The following METTL8 variants were observed in gnomAD, a reference collection of about 807,000 sequenced individuals.
The protein encoded by METTL8 is tRNA N(3)-cytidine methyltransferase METTL8, mitochondrial.
METTL8 carries 32 observed loss-of-function variants against 48.7 expected under a neutral mutation model. The ratio of observed to expected loss-of-function variants is 0.66; its 90% confidence interval spans 0.50 to 0.88. METTL8 has a LOEUF of 0.88. Among genes scored for constraint, METTL8 ranks in the 40% least tolerant of loss-of-function variants. METTL8 has a pLI of 0.00. For missense variants in METTL8, 464 were observed against 474.4 expected (o/e 0.98, Z 0.20); for synonymous variants, 136 against 157.1 (o/e 0.87, Z 1.01).
chr2:171,336,926 A>G (rs1686184054), intron 5 of METTL8, among the ~76,000 whole-genome samples: 1 of 141,224 alleles, frequency 7.1e-6, no homozygotes, highest in Non-Finnish European at 1.5e-5. Flanking sequence ...CTGGAGTGCA[A>G]TGGCGCAGTC....
rs75114279 is a variant in METTL8 at position 171,316,859 on chromosome 2, G to T, written c.*7313C>A. ...CATTCTCTTTCAGGCAATTTTCAGT[G>T]CGAGTGCCAAATGCTGCTTAGGGGG... On this transcript the variant is annotated 3_prime_UTR_variant, in exon 10 of 10. Transcript: ENST00000375258. 1.8e-3 allele frequency among the ~76,000 whole-genome samples: 280 copies of T among 152,260 alleles called. 6 individuals are homozygous for T. The East Asian group carries it at 0.028, about 15-fold the overall frequency.
At chr2:171,365,580 G>T (rs1343531939) in intron 2 of METTL8, among the ~76,000 whole-genome samples, 1 of 152,010 alleles carries the variant, frequency 6.6e-6, no homozygotes, top group Non-Finnish European at 1.5e-5. Flanking sequence ...CTGGAATCTG[G>T]GTACCCGCCA....
Position 171,392,096 on chromosome 2 carries a change from AG to A in METTL8, c.89del (p.Pro30LeufsTer7), listed in dbSNP as rs779502630. ...RYQSGYHPVA[P>X]LGSRILTDPA... ...GGTCAGTTAAAATCCTTGATCCCAG[AG>A]GGGCCACTGGGTGGTAACCACTTTG... On this transcript the variant is annotated frameshift_variant, in exon 2 of 10. Coordinates refer to ENST00000375258, the MANE Select transcript of METTL8 (RefSeq NM_001321154.2). LOFTEE classifies it high-confidence loss of function. 1 of 1,551,604 alleles carries A rather than the reference AG, an allele frequency of 6.4e-7. No individual in the cohort carries two copies. Among genetic ancestry groups the A allele is most frequent in the South Asian group, 1.2e-5 (1 of 84,054 alleles).
rs1044894194 is a variant in METTL8 at position 171,426,605 on chromosome 2, C to T, written c.-13+7278G>A. ...TGTTTAAAATAAGAGGGTGAGTCTG[C>T]GAGCTTTACTATCAATCCTTTAAAC... is the stretch of plus-strand genomic sequence containing the variant. On this transcript the variant is annotated intron_variant, in intron 1 of 9. Transcript: ENST00000375258. 4.6e-5 allele frequency among the ~76,000 whole-genome samples: 7 copies of T among 152,212 alleles called. No individual in the cohort carries two copies. In the East Asian group the frequency reaches 1.2e-3, roughly 25 times the overall value.
chr2:171,369,491 C>T (rs1216509599), intron 2 of METTL8, among the ~76,000 whole-genome samples: 1 of 152,186 alleles, frequency 6.6e-6, no homozygotes, highest in African/African-American at 2.4e-5. Flanking sequence ...TGGGAATATA[C>T]ATTTACATTA....
intron 3 of METTL8, among the ~76,000 whole-genome samples, chr2:171,340,254 G>C (rs1686589748): frequency 6.7e-6 from 1 of 149,254 alleles, no homozygotes; most frequent in Admixed American, 6.7e-5. Context: ...TGTAATCCCA[G>C]CACTTTGGGA....
At chr2:171,414,341 C>T (rs1242891746) in intron 1 of METTL8, among the ~76,000 whole-genome samples, 2 of 151,110 alleles carry the variant, frequency 1.3e-5, no homozygotes, top group African/African-American at 4.9e-5. Flanking sequence ...TGCTTGAACC[C>T]GGGAGGCGGA....
intron 1 of METTL8, among the ~76,000 whole-genome samples, chr2:171,425,217 T>C (rs983137450): frequency 6.6e-6 from 1 of 152,166 alleles, no homozygotes; most frequent in Non-Finnish European, 1.5e-5. Flanking sequence ...CTCAGGTATG[T>C]CTTTATTAGC....
At chr2:171,353,337 T>TAA (rs895168036) in intron 3 of METTL8, among the ~76,000 whole-genome samples, 1 of 152,216 alleles carries the variant, frequency 6.6e-6, no homozygotes, top group Non-Finnish European at 1.5e-5. Context: ...GAGCGACTGT[T>TAA]TGTTATAATT....
intron 1 of METTL8, among the ~76,000 whole-genome samples, chr2:171,407,422 TA>T (rs1219849033): frequency 6.6e-6 from 1 of 151,904 alleles, no homozygotes; most frequent in Non-Finnish European, 1.5e-5. Flanking sequence ...GTTTTTTTTT[TA>T]ACCCATCTCA....
At chr2:171,403,239 T>C (rs1189702460) in intron 1 of METTL8, among the ~76,000 whole-genome samples, 1 of 152,138 alleles carries the variant, frequency 6.6e-6, no homozygotes, top group Non-Finnish European at 1.5e-5. Flanking sequence ...AGCCAGGTGA[T>C]CAAGGTTAAC....
chr2:171,389,578 T>C (rs183591760), intron 2 of METTL8, among the ~76,000 whole-genome samples: 257 of 130,314 alleles, frequency 2.0e-3, no homozygotes, highest in Admixed American at 4.1e-3. Context: ...GAAAAGAAAG[T>C]GAAATAGCAT....
intron 2 of METTL8, among the ~76,000 whole-genome samples, chr2:171,363,812 A>ATATC (rs1559114524): frequency 7.2e-6 from 1 of 138,326 alleles, no homozygotes; most frequent in South Asian, 2.2e-4. Flanking sequence ...ATATATATAT[A>ATATC]TATCTTTTTT....
At chr2:171,414,229 C>T (rs1406769059) in intron 1 of METTL8, among the ~76,000 whole-genome samples, 2 of 152,002 alleles carry the variant, frequency 1.3e-5, no homozygotes, top group Non-Finnish European at 2.9e-5. Flanking sequence ...ACCAGCCTGA[C>T]CAACGTGGAG....
chr2:171,427,615 T>C (rs1482319137), intron 1 of METTL8, among the ~76,000 whole-genome samples: 2 of 152,204 alleles, frequency 1.3e-5, no homozygotes, highest in Non-Finnish European at 2.9e-5. Context: ...CTGTTGCAGA[T>C]CAGCTCCTCC....
At chr2:171,356,195 C>G (rs1253737659) in intron 3 of METTL8, among the ~76,000 whole-genome samples, 1 of 152,094 alleles carries the variant, frequency 6.6e-6, no homozygotes, top group African/African-American at 2.4e-5. Flanking sequence ...GGCTGAAGTG[C>G]AATGGCATGA....
At chr2:171,361,682 C>T (rs1402687407) in intron 2 of METTL8, among the ~76,000 whole-genome samples, 3 of 152,134 alleles carry the variant, frequency 2.0e-5, no homozygotes, top group Non-Finnish European at 4.4e-5. Flanking sequence ...TATTCAAGGT[C>T]ATATAGCCAG....
chr2:171,339,388 T>C lies in METTL8; in HGVS notation c.402A>G (p.Lys134=). 6.2e-7 allele frequency: 1 copy of C among 1,613,482 alleles called. No individual in the cohort carries two copies. Among genetic ancestry groups the C allele is most frequent in the South Asian group, 1.1e-5 (1 of 90,998 alleles). The stretch of plus-strand genomic sequence containing the variant: ...TTGAGAAACGATTTGTAGCACTAGT[T>C]TTTACATGATCCCATGATGATTCTC... ...KARESSWDHV[K]TSATNRFSRM... is the part of the protein sequence containing the mutation. Residue 134 remains lysine, a synonymous_variant, in exon 4 of 10, where the codon AAA becomes AAG. Coordinates refer to ENST00000375258, the MANE Select transcript of METTL8 (RefSeq NM_001321154.2).
Position 171,362,530 on chromosome 2 carries a change from C to T in METTL8, c.144-2017G>A, listed in dbSNP as rs1247194375. ...TCCAGTGACCTGGCTATAAATACAC[C>T]GTTGAAGGTACGAAACTGTTTTCCT... is the stretch of plus-strand genomic sequence containing the variant. On this transcript the variant is annotated intron_variant, in intron 2 of 9. Coordinates refer to ENST00000375258, the MANE Select transcript of METTL8 (RefSeq NM_001321154.2). Among the ~76,000 whole-genome samples, 8 of 150,448 alleles carry T rather than the reference C, an allele frequency of 5.3e-5. 1 individual carries two copies.
Sources: gnomAD v4.1 joint callset for allele counts (sites outside exome capture counted in the v4.1 genomes callset) on GRCh38, gnomAD v4.1.1 for gene constraint, MANE v1.5 for transcripts, NCBI Gene and HGNC (gene_info 2026-07-23, HGNC 2026-07-21) for gene names.